Variants in GRM3 observed in about 807,000 individuals in gnomAD.
GRM3 encodes the protein metabotropic glutamate receptor 3.
A neutral mutation model predicts 70.5 loss-of-function variants in GRM3; 26 were observed. That is an observed-to-expected ratio of 0.37 (90% CI 0.27 to 0.51). The LOEUF is 0.51. Ranked by LOEUF, GRM3 falls within the 20% of genes least tolerant of loss-of-function variation. The pLI is 0.93. For synonymous variants in GRM3, 443 were observed against 434.9 expected (o/e 1.02, Z -0.23); for missense variants, 859 against 1,123.8 (o/e 0.76, Z 3.37).
intron 3 of GRM3, among the ~76,000 whole-genome samples, chr7:86,789,786 T>C (rs574386499): frequency 1.3e-5 from 2 of 152,326 alleles, no homozygotes; most frequent in African/African-American, 2.4e-5. Context: ...CTAGGCCTCC[T>C]GTGAATTTAA....
At chr7:86,851,561 A>G (rs540680452) in intron 5 of GRM3, among the ~76,000 whole-genome samples, 1 of 152,258 alleles carries the variant, frequency 6.6e-6, no homozygotes, top group South Asian at 2.1e-4. Context: ...TTTTGCCTCG[A>G]GTTGATCAGA....
chr7:86,720,018 G>A (rs1011809003), intron 1 of GRM3, among the ~76,000 whole-genome samples: 1 of 151,970 alleles, frequency 6.6e-6, no homozygotes, highest in African/African-American at 2.4e-5. Flanking sequence ...AGACCTCATA[G>A]GCCACAGGAA....
At chr7:86,749,779 G>A (rs1324019919) in intron 1 of GRM3, among the ~76,000 whole-genome samples, 2 of 152,052 alleles carry the variant, frequency 1.3e-5, no homozygotes, top group East Asian at 1.9e-4. Context: ...GCTGCTGGAG[G>A]TGCCTAGATT....
intron 1 of GRM3, among the ~76,000 whole-genome samples, chr7:86,669,446 T>C (rs1562819830): frequency 6.6e-6 from 1 of 152,200 alleles, no homozygotes; most frequent in Non-Finnish European, 1.5e-5. Context: ...TGTGACAAGA[T>C]TTCAGCCAGA....
intron 1 of GRM3, among the ~76,000 whole-genome samples, chr7:86,735,861 AT>A (rs1795846109): frequency 6.6e-6 from 1 of 152,218 alleles, no homozygotes; most frequent in African/African-American, 2.4e-5. Flanking sequence ...GCACTTTCTA[AT>A]TCTTTGAAAA....
At position 86,714,389 on chromosome 7, in the gene GRM3, AACCTTTTACT is replaced by A. The variant is rs530708440; in HGVS notation, c.-140-50616_-140-50607del. ...AGTAATAATAATAGCAACAACAATTAACCTTTTACTGTATGTGCATTTTCTCATTTGTCCA... is the reference window on the plus strand; with the variant it reads ...AGTAATAATAATAGCAACAACAATTAGTATGTGCATTTTCTCATTTGTCCA... On this transcript the variant is annotated intron_variant, in intron 1 of 5. Coordinates refer to ENST00000361669, the MANE Select transcript of GRM3 (RefSeq NM_000840.3). 3.0e-3 allele frequency among the ~76,000 whole-genome samples: 457 copies of A among 152,052 alleles called. 2 individuals are homozygous for A. Among genetic ancestry groups the A allele is most frequent in the African/African-American group, 0.011 (438 of 41,520 alleles).
chr7:86,684,595 A>C (rs1794517209), intron 1 of GRM3, among the ~76,000 whole-genome samples: 1 of 152,206 alleles, frequency 6.6e-6, no homozygotes, highest in South Asian at 2.1e-4. Flanking sequence ...TAAAATTCTA[A>C]GAAAATGTGT....
In GRM3 at chr7:86,834,338, G is replaced by A. The variant is rs545098267; in HGVS notation, c.1325-4501G>A. 1.3e-4 allele frequency among the ~76,000 whole-genome samples: 20 copies of A among 152,128 alleles called. No homozygotes were observed. The East Asian group carries it at 3.7e-3, about 28-fold the overall frequency. On this transcript the variant is annotated intron_variant, in intron 3 of 5. Coordinates refer to ENST00000361669, the MANE Select transcript of GRM3 (RefSeq NM_000840.3). ...AATTCCACAGAGTAATTCTTTTCCTGTTGTATTTTCTACTTGCCATCACAG... is the reference window on the plus strand; with the variant it reads ...AATTCCACAGAGTAATTCTTTTCCTATTGTATTTTCTACTTGCCATCACAG...
intron 1 of GRM3, among the ~76,000 whole-genome samples, chr7:86,736,301 T>C (rs541924924): frequency 2.0e-5 from 3 of 152,224 alleles, no homozygotes; most frequent in East Asian, 3.9e-4. Flanking sequence ...TTCCTGCAGG[T>C]GGTGTGCCTT....
At chr7:86,740,646 T>A (rs1795964523) in intron 1 of GRM3, among the ~76,000 whole-genome samples, 1 of 152,088 alleles carries the variant, frequency 6.6e-6, no homozygotes, top group African/African-American at 2.4e-5. Flanking sequence ...GATTTAAAAG[T>A]CTAATTATGG....
intron 1 of GRM3, among the ~76,000 whole-genome samples, chr7:86,674,713 G>A (rs1794263395): frequency 6.6e-6 from 1 of 152,034 alleles, no homozygotes; most frequent in Non-Finnish European, 1.5e-5. Context: ...CCCTGAGTAT[G>A]TTTACAACTT....
chr7:86,857,134 T>TG (rs1798865883), intron 5 of GRM3, among the ~76,000 whole-genome samples: 1 of 151,526 alleles, frequency 6.6e-6, no homozygotes, highest in South Asian at 2.1e-4. Flanking sequence ...TTCAATGGTT[T>TG]TTTTTTTTTT....
intron 3 of GRM3, among the ~76,000 whole-genome samples, 162 bp from the exon 4 acceptor site, chr7:86,838,677 A>C (rs1798504495): frequency 6.6e-6 from 1 of 152,246 alleles, no homozygotes; most frequent in African/African-American, 2.4e-5. Context: ...TGAGCACTTT[A>C]GTAGCTTTTG....
chr7:86,646,375 C>G (rs1793473082), intron 1 of GRM3, among the ~76,000 whole-genome samples: 1 of 152,114 alleles, frequency 6.6e-6, no homozygotes, highest in Non-Finnish European at 1.5e-5. Context: ...AGCTGTCAAT[C>G]TTATTGGGTT....
chr7:86,792,408 T>C (rs985580122), intron 3 of GRM3, among the ~76,000 whole-genome samples: 1 of 152,212 alleles, frequency 6.6e-6, no homozygotes, highest in Non-Finnish European at 1.5e-5. Context: ...TAAGCATAAC[T>C]GCCAGAAGTG....
At chr7:86,720,853 C>T (rs80168860) in intron 1 of GRM3, among the ~76,000 whole-genome samples, 4,390 of 152,132 alleles carry the variant, frequency 0.029, 208 homozygotes, top group African/African-American at 0.1. Context: ...CTGTTTTAAA[C>T]ACTAGAGATA....
At chr7:86,691,986 A>G (rs543942269) in intron 1 of GRM3, among the ~76,000 whole-genome samples, 70 of 152,318 alleles carry the variant, frequency 4.6e-4, no homozygotes, top group African/African-American at 1.6e-3. Flanking sequence ...TATTTTCTCT[A>G]TCTTTTCTGC....
intron 5 of GRM3, among the ~76,000 whole-genome samples, chr7:86,855,574 G>A (rs145823668): frequency 3.3e-4 from 50 of 152,268 alleles, no homozygotes; most frequent in Non-Finnish European, 5.4e-4. Context: ...ACAGTCACTT[G>A]TCTAGGTGGT....
At chr7:86,845,947 T>A (rs1429904108) in intron 4 of GRM3, among the ~76,000 whole-genome samples, 1 of 152,174 alleles carries the variant, frequency 6.6e-6, no homozygotes, top group African/African-American at 2.4e-5. Context: ...ATTTGGCCTT[T>A]ACTCACACAC....
Sources: gnomAD v4.1 joint callset for allele counts (sites outside exome capture counted in the v4.1 genomes callset) on GRCh38, gnomAD v4.1.1 for gene constraint, MANE v1.5 for transcripts, NCBI Gene and HGNC (gene_info 2026-07-23, HGNC 2026-07-21) for gene names.